The following CD36 variants were observed in gnomAD, a reference collection of about 807,000 sequenced individuals.
The protein encoded by CD36 is platelet glycoprotein 4.
CD36 carries 119 observed loss-of-function variants against 55.2 expected under a neutral mutation model. That is an observed-to-expected ratio of 2.15 (90% CI 1.86 to 2.51). The LOEUF is 2.51. CD36 is among the 30% of genes most tolerant of loss of function. The probability of loss-of-function intolerance (pLI) is 0.00; values close to 1 mark genes in which losing one functional copy is unlikely to be tolerated. For missense variants in CD36, 819 were observed against 555.5 expected (o/e 1.47, Z -4.77); for synonymous variants, 186 against 193.6 (o/e 0.96, Z 0.33).
intron 8 of CD36, among the ~76,000 whole-genome samples, chr7:80,666,894 G>T (rs887752055): frequency 1.2e-4 from 19 of 152,114 alleles, no homozygotes; most frequent in African/African-American, 4.6e-4. Flanking sequence ...ACATATCTAA[G>T]CAAGGCTTAT....
At chr7:80,607,036 T>C (rs1792591707) in intron 1 of CD36, among the ~76,000 whole-genome samples, 1 of 152,164 alleles carries the variant, frequency 6.6e-6, no homozygotes, top group Admixed American at 6.5e-5. Flanking sequence ...AAACACAGGA[T>C]TAAACAAAGT....
At chr7:80,642,121 T>C (rs1794860147) in intron 1 of CD36, among the ~76,000 whole-genome samples, 1 of 152,118 alleles carries the variant, frequency 6.6e-6, no homozygotes, top group Non-Finnish European at 1.5e-5. Context: ...AAAACACGTC[T>C]TCTTATTTTC....
chr7:80,620,602 A>C (rs781180571), intron 1 of CD36, among the ~76,000 whole-genome samples: 6 of 152,070 alleles, frequency 3.9e-5, no homozygotes, highest in Non-Finnish European at 5.9e-5. Context: ...TTTTTATGGA[A>C]GCTTCCTGAC....
At chr7:80,658,282 C>CATATAT (rs150217267) in intron 4 of CD36, among the ~76,000 whole-genome samples, 1 of 151,300 alleles carries the variant, frequency 6.6e-6, no homozygotes, top group African/African-American at 2.4e-5. Context: ...TATATACACA[C>CATATAT]ATATATATAT....
chr7:80,620,339 C>G (rs867234940), intron 1 of CD36, among the ~76,000 whole-genome samples: 1 of 152,102 alleles, frequency 6.6e-6, no homozygotes, highest in Non-Finnish European at 1.5e-5. Flanking sequence ...CCAGGACTAC[C>G]GACAAGCTTC....
chr7:80,647,426 G>A (rs3211999), intron 3 of CD36, among the ~76,000 whole-genome samples: 46 of 152,080 alleles, frequency 3.0e-4, no homozygotes, highest in Non-Finnish European at 5.9e-4. Flanking sequence ...GCTTCATATT[G>A]GAATCTTAGA....
At chr7:80,621,474 A>G (rs1262582540) in intron 1 of CD36, among the ~76,000 whole-genome samples, 1 of 152,222 alleles carries the variant, frequency 6.6e-6, no homozygotes, top group Non-Finnish European at 1.5e-5. Context: ...ATTTAACATG[A>G]TAGCTGACTC....
intron 12 of CD36, 170 bp downstream of exon 12, chr7:80,673,013 T>G (rs938857994): frequency 9.5e-5 from 59 of 622,138 alleles, no homozygotes; most frequent in South Asian, 2.2e-4. Context: ...TTTCACAGAT[T>G]TTGGAATGGT....
At chr7:80,665,527 A>G (rs957828873) in intron 7 of CD36, among the ~76,000 whole-genome samples, 11 of 152,062 alleles carry the variant, frequency 7.2e-5, no homozygotes, top group Admixed American at 5.9e-4. Context: ...CAGTAGAGGG[A>G]AAAAAACACT....
intron 1 of CD36, among the ~76,000 whole-genome samples, chr7:80,643,924 GA>G (rs1794975886): frequency 6.6e-6 from 1 of 152,060 alleles, no homozygotes; most frequent in Admixed American, 6.6e-5. Context: ...AATATTTGGG[GA>G]TGGTCTATGA....
chr7:80,673,947 G>A (rs371283230), intron 13 of CD36, 36 bp from the exon 14 acceptor site: 157 of 1,550,498 alleles, frequency 1.0e-4, no homozygotes, highest in Middle Eastern at 8.4e-4. Flanking sequence ...TTTTACTAAC[G>A]TACCCAAATA....
intron 1 of CD36, among the ~76,000 whole-genome samples, chr7:80,622,940 C>G (rs1793548891): frequency 6.6e-6 from 1 of 151,542 alleles, no homozygotes; most frequent in Non-Finnish European, 1.5e-5. Flanking sequence ...CAAGAATGCT[C>G]TAAAATCTAT....
intron 5 of CD36, chr7:80,662,717 C>T (rs1796647123): frequency 9.4e-6 from 4 of 424,188 alleles, no homozygotes; most frequent in African/African-American, 2.0e-5. Flanking sequence ...TGCCTTAATG[C>T]ATTAGATATT....
At chr7:80,623,446 C>T (rs1793578925) in intron 1 of CD36, among the ~76,000 whole-genome samples, 1 of 151,976 alleles carries the variant, frequency 6.6e-6, no homozygotes, top group African/African-American at 2.4e-5. Flanking sequence ...TCTTTGACTG[C>T]CTTAAGTGTT....
chr7:80,630,152 G>A (rs752747807), intron 1 of CD36, among the ~76,000 whole-genome samples: 104 of 151,924 alleles, frequency 6.8e-4, no homozygotes, highest in Non-Finnish European at 1.1e-3. Context: ...AGCAGAATAA[G>A]GTTTAGTTTT....
intron 5 of CD36, among the ~76,000 whole-genome samples, chr7:80,661,741 G>GA (rs1203047976): frequency 1.3e-5 from 2 of 151,838 alleles, no homozygotes; most frequent in Non-Finnish European, 2.9e-5. Flanking sequence ...AAAATGGGGA[G>GA]AAAAAAAGAG....
chr7:80,667,201 G>A (rs1306172741), intron 8 of CD36, among the ~76,000 whole-genome samples: 1 of 152,082 alleles, frequency 6.6e-6, no homozygotes, highest in Non-Finnish European at 1.5e-5. Context: ...ACCAAGGCAG[G>A]TAGACTACTT....
At chr7:80,603,219 C>A (rs1792341141) in intron 1 of CD36, among the ~76,000 whole-genome samples, 1 of 152,084 alleles carries the variant, frequency 6.6e-6, no homozygotes, top group South Asian at 2.1e-4. Flanking sequence ...TTTCGAGACA[C>A]AATTAAGGTT....
At chr7:80,673,892 A>C in intron 13 of CD36, 91 bp from the exon 14 acceptor site, 2 of 881,470 alleles carry the variant, frequency 2.3e-6, no homozygotes. Context: ...ACACCAATAG[A>C]GGTGTTAGAA....
Sources: allele counts gnomAD v4.1 joint callset (sites outside exome capture counted in the v4.1 genomes callset), GRCh38; gene constraint gnomAD v4.1.1; transcripts MANE v1.5; gene names NCBI Gene and HGNC (gene_info 2026-07-23, HGNC 2026-07-21).